The following TANC1 variants were observed in gnomAD, a reference collection of about 807,000 sequenced individuals.
The protein encoded by TANC1 is tetratricopeptide repeat, ankyrin repeat and coiled-coil containing 1.
TANC1 carries 77 observed loss-of-function variants against 149.7 expected under a neutral mutation model. The observed-to-expected ratio is 0.51, with a 90% confidence interval of 0.43 to 0.62. The LOEUF (loss-of-function observed/expected upper bound fraction) is 0.62. Ranked by LOEUF, TANC1 falls within the 20% of genes least tolerant of loss-of-function variation. The pLI is 0.00. For missense variants in TANC1, 1,985 were observed against 2,321.8 expected (o/e 0.85, Z 2.98); for synonymous variants, 854 against 925.0 (o/e 0.92, Z 1.39).
Position 159,141,418 on chromosome 2 carries a change from G to C in TANC1, c.364+5120G>C, listed in dbSNP as rs181801037. ...AGTGAGAGGATAAAGTCTCAAATTA[G>C]TTCAGGTTCAGTGAAGAAGAGGTGG... On this transcript the variant is annotated intron_variant, in intron 5 of 26. Transcript: ENST00000263635. Among the ~76,000 whole-genome samples, 151 of 152,350 alleles carry C rather than the reference G, an allele frequency of 9.9e-4. 1 individual carries two copies. The highest frequency in any genetic ancestry group is 3.5e-3 in the African/African-American group (146 of 41,578).
At chr2:158,987,529 A>G (rs1559103559) in intron 1 of TANC1, among the ~76,000 whole-genome samples, 1 of 152,180 alleles carries the variant, frequency 6.6e-6, no homozygotes, top group African/African-American at 2.4e-5. Context: ...CCCTGTCTCA[A>G]AAAAAGTACT....
intron 19 of TANC1, among the ~76,000 whole-genome samples, chr2:159,203,419 A>G (rs2058388022): frequency 6.6e-6 from 1 of 151,820 alleles, no homozygotes; most frequent in Non-Finnish European, 1.5e-5. Flanking sequence ...ATTGGCCAGG[A>G]TGGTCTCCAT....
In TANC1 at chr2:159,155,070, T is replaced by A. The variant is rs1392330985; in HGVS notation, c.682+4514T>A. 3.9e-5 allele frequency among the ~76,000 whole-genome samples: 6 copies of A among 152,248 alleles called. No homozygotes were observed. The East Asian group carries it at 7.7e-4, about 20-fold the overall frequency. On this transcript the variant is annotated intron_variant, in intron 7 of 26. Transcript: ENST00000263635. ...TAAAGTATGTTTTCATTAGAATGTG[T>A]GAAAACCAATCTGATTTTCAAACAA...
intron 2 of TANC1, among the ~76,000 whole-genome samples, chr2:159,054,511 G>A (rs1159004735): frequency 1.3e-5 from 2 of 152,132 alleles, no homozygotes; most frequent in Admixed American, 6.5e-5. Flanking sequence ...CGTTTTTGAT[G>A]TCTTATATTC....
intron 4 of TANC1, among the ~76,000 whole-genome samples, chr2:159,130,015 G>C (rs2049911789): frequency 6.6e-6 from 1 of 152,288 alleles, no homozygotes; most frequent in East Asian, 1.9e-4. Flanking sequence ...AGCTGGAAAA[G>C]CGGCGGCAGC....
chr2:159,179,341 T>G (rs1278540785), intron 14 of TANC1, among the ~76,000 whole-genome samples, 178 bp downstream of exon 14: 3 of 152,004 alleles, frequency 2.0e-5, no homozygotes, highest in Non-Finnish European at 4.4e-5. Context: ...AATGGGGAAT[T>G]CTCTATACAG....
intron 19 of TANC1, among the ~76,000 whole-genome samples, chr2:159,215,761 G>C (rs1267981726): frequency 6.6e-6 from 1 of 152,222 alleles, no homozygotes; most frequent in African/African-American, 2.4e-5. Flanking sequence ...AAAATCCTCT[G>C]TGTGTTTTCT....
chr2:159,145,658 T>G (rs1231952617), intron 5 of TANC1, among the ~76,000 whole-genome samples: 4 of 152,224 alleles, frequency 2.6e-5, no homozygotes, highest in Non-Finnish European at 5.9e-5. Context: ...CCCCCATATG[T>G]GGTCCACAAG....
chr2:159,149,152 C>G lies in TANC1; in HGVS notation c.375C>G (p.Ala125=). The change falls in exon 6 of 27, where the codon GCC becomes GCG. Residue 125 remains alanine (A), a synonymous_variant. Transcript: ENST00000263635. ...PTEPDEHEAK[A]DNEPSCSPAA... ...CTTTCTTTGTTCCAGAAGCAAAGGC[C>G]GATAATGAACCGAGCTGTTCGCCGG... 6.3e-7 allele frequency: 1 copy of G among 1,593,680 alleles called. No homozygotes were observed. The highest frequency in any genetic ancestry group is 8.5e-7 in the Non-Finnish European group (1 of 1,169,882).
intron 3 of TANC1, among the ~76,000 whole-genome samples, chr2:159,087,714 A>G (rs975842097): frequency 6.6e-6 from 1 of 151,562 alleles, no homozygotes; most frequent in Admixed American, 6.6e-5. Context: ...GTTGGACGGG[A>G]GGGGACAAGG....
intron 2 of TANC1, among the ~76,000 whole-genome samples, chr2:159,038,823 G>C (rs1326937417): frequency 3.3e-5 from 5 of 152,084 alleles, no homozygotes; most frequent in Non-Finnish European, 5.9e-5. Flanking sequence ...TTTTTGTTGT[G>C]TCTCTGCCCA....
At chr2:159,004,318 A>C in intron 2 of TANC1, 1 of 1,611,976 alleles carries the variant, frequency 6.2e-7, no homozygotes, top group South Asian at 1.1e-5. Flanking sequence ...AATGAAGCTA[A>C]CTAAAAGTTT....
chr2:159,041,140 C>T (rs2040597470), intron 2 of TANC1, among the ~76,000 whole-genome samples: 1 of 152,108 alleles, frequency 6.6e-6, no homozygotes, highest in South Asian at 2.1e-4. Context: ...GCTGCCTGAT[C>T]CTTCTTCTGG....
chr2:159,107,397 T>G (rs901202244), intron 4 of TANC1, among the ~76,000 whole-genome samples: 1 of 152,224 alleles, frequency 6.6e-6, no homozygotes, highest in African/African-American at 2.4e-5. Context: ...GTCTGTCTTT[T>G]TGATGTCATG....
chr2:158,996,177 C>T (rs914756258), intron 1 of TANC1, among the ~76,000 whole-genome samples: 3 of 152,132 alleles, frequency 2.0e-5, no homozygotes, highest in African/African-American at 7.2e-5. Flanking sequence ...ATAGTAAGAC[C>T]CCCCAAGTCT....
chr2:159,162,606 G>A (rs2054154840), intron 7 of TANC1, among the ~76,000 whole-genome samples: 1 of 152,142 alleles, frequency 6.6e-6, no homozygotes, highest in Admixed American at 6.5e-5. Context: ...TTCTGTGCTG[G>A]TTTTCTTTCT....
chr2:159,184,023 G>T (rs536921220), intron 14 of TANC1, among the ~76,000 whole-genome samples: 11 of 152,174 alleles, frequency 7.2e-5, no homozygotes, highest in Non-Finnish European at 1.3e-4. Context: ...CTCAAGCTCC[G>T]CAGGTTAAGA....
chr2:158,973,881 G>T (rs750293111), intron 1 of TANC1, among the ~76,000 whole-genome samples: 4 of 152,088 alleles, frequency 2.6e-5, no homozygotes, highest in Non-Finnish European at 5.9e-5. Flanking sequence ...ACATGAGGGG[G>T]TATTGAATTA....
intron 7 of TANC1, among the ~76,000 whole-genome samples, chr2:159,153,671 G>T (rs13024128): frequency 0.23 from 34,531 of 152,032 alleles, 4,137 homozygotes; most frequent in Middle Eastern, 0.32. Flanking sequence ...GGCAGGAGTG[G>T]TGGGGACAGA....
Sources: gnomAD v4.1 joint callset for allele counts (sites outside exome capture counted in the v4.1 genomes callset) on GRCh38, gnomAD v4.1.1 for gene constraint, MANE v1.5 for transcripts, NCBI Gene and HGNC (gene_info 2026-07-23, HGNC 2026-07-21) for gene names.